Variants in UVSSA observed in about 807,000 individuals in gnomAD.
UVSSA encodes UV stimulated scaffold protein A.
In UVSSA, 72 loss-of-function variants were observed where a neutral mutation model predicts 73.9. The ratio of observed to expected loss-of-function variants is 0.97; its 90% CI spans 0.81 to 1.19. The LOEUF (loss-of-function observed/expected upper bound fraction) is 1.19. UVSSA is among the 50% of genes most tolerant of loss of function. UVSSA has a pLI of 0.00. For missense variants in UVSSA, 1,150 were observed against 965.0 expected, an observed-to-expected ratio of 1.19 and a Z score of -2.54; for synonymous variants, 454 against 391.3, an observed-to-expected ratio of 1.16 and a Z score of -1.89.
chr4:1,348,895 C>T (rs1429024648), intron 2 of UVSSA, among the ~76,000 whole-genome samples: 3 of 152,222 alleles, frequency 2.0e-5, no homozygotes, highest in Non-Finnish European at 2.9e-5. Context: ...GTCCCGAGCT[C>T]TAGGCCTTCC....
rs1553877116 is a variant in UVSSA, at chr4:1,354,903, T to TTGGG, written c.1047+56_1047+57insTGGG. 6.1e-6 allele frequency: 9 copies of TTGGG among 1,465,776 alleles called. No homozygotes were observed. The African/African-American group carries it at 1.0e-4, about 17-fold the overall frequency. 90.8% of individuals were successfully genotyped at this position (1,465,776 alleles called of 1,614,324 possible). ...AGGGACGTGTGCAGAGTGCCATGCATGGGGGGGGTCCCTTTCTTGGGGGGA... is the reference window on the plus strand; with the variant it reads ...AGGGACGTGTGCAGAGTGCCATGCATTGGGGGGGGGGGTCCCTTTCTTGGGGGGA... On this transcript the variant is annotated intron_variant, in intron 6 of 13. Coordinates refer to ENST00000389851, the MANE Select transcript of UVSSA (RefSeq NM_020894.4).
intron 12 of UVSSA, among the ~76,000 whole-genome samples, chr4:1,381,579 C>A (rs1457447378): frequency 2.0e-5 from 3 of 152,178 alleles, no homozygotes; most frequent in Non-Finnish European, 4.4e-5. Flanking sequence ...GCCCTGCCTC[C>A]CCTCGGGCCC....
chr4:1,374,922 G>A (rs531593851), intron 8 of UVSSA: 9 of 177,490 alleles, frequency 5.1e-5, no homozygotes, highest in East Asian at 1.7e-4. Flanking sequence ...CTTTCCAAGC[G>A]GCTGCCACCT....
downstream of UVSSA, chr4:1,388,334 A>G (rs1720299616): frequency 6.6e-6 from 1 of 152,238 alleles, no homozygotes; most frequent in Admixed American, 6.5e-5. Flanking sequence ...TTGATCTTGT[A>G]TCCAGCATTC....
chr4:1,353,001 A>C (rs1278299718), intron 4 of UVSSA, 29 bp from the exon 5 acceptor site: 4 of 1,587,152 alleles, frequency 2.5e-6, no homozygotes, highest in Middle Eastern at 1.7e-4. Context: ...CACATAGCGC[A>C]GCAAACAGGT....
At chr4:1,384,595 G>A (rs74636374) in intron 13 of UVSSA, 59 of 152,422 alleles carry the variant, frequency 3.9e-4, no homozygotes, top group African/African-American at 1.3e-3. Context: ...CCTTGTTCTC[G>A]CCTAAGAAAA....
At chr4:1,364,690 G>A (rs2099863411) in intron 7 of UVSSA, among the ~76,000 whole-genome samples, 1 of 152,128 alleles carries the variant, frequency 6.6e-6, no homozygotes, top group Non-Finnish European at 1.5e-5. Flanking sequence ...CAGCTGTGCT[G>A]TGGGAACAGG....
chr4:1,384,819 G>A (rs1719906543), intron 13 of UVSSA: 1 of 152,336 alleles, frequency 6.6e-6, no homozygotes, highest in South Asian at 2.1e-4. Context: ...ACCGGCCTGA[G>A]TGGGCTCGGG....
rs374042356 is a variant in UVSSA at position 1,366,340 on chromosome 4, G to A, written c.1197G>A (p.Ala399=). The change falls in exon 8 of 14, where the codon GCG becomes GCA. Residue 399 remains alanine, a synonymous_variant. Coordinates refer to ENST00000389851, the MANE Select transcript of UVSSA (RefSeq NM_020894.4). The stretch of plus-strand genomic sequence containing the variant: ...CACAGACAGAAGCCCTGGGGGATGC[G>A]GAGGAAGATGAGGACGATGAGGACT... ...ERRRTEALGD[A]EEDEDDEDFV... 181 of 1,612,950 alleles carry A rather than the reference G, an allele frequency of 1.1e-4. No individual in the cohort carries two copies. The highest frequency in any genetic ancestry group is 1.8e-4 in the Admixed American group (11 of 59,898).
In UVSSA at chr4:1,351,769, G is replaced by A. The variant is rs200745723; in HGVS notation, c.484G>A (p.Glu162Lys). Residue 162 changes from glutamate (E) to lysine (K), a missense_variant, in exon 4 of 14, where the codon GAG becomes AAG. Physicochemically the swap from Glu to Lys is moderately conservative, Grantham distance 56. Transcript: ENST00000389851. Reference protein sequence around the residue: ...RSLAERKREEEKQKHLDKIYQ... With the variant: ...RSLAERKREEKKQKHLDKIYQ... ...TCTGGCAGAAAGGAAGAGAGAAGAG[G>A]AGAAGCAGAAGCACTTGGATAAAAT... 2.1e-4 allele frequency: 334 copies of A among 1,613,596 alleles called. 2 individuals are homozygous for A. Among genetic ancestry groups the A allele is most frequent in the Middle Eastern group, 1.3e-3 (8 of 6,082 alleles).
chr4:1,372,479 A>G (rs557954303), intron 8 of UVSSA, among the ~76,000 whole-genome samples: 85 of 152,106 alleles, frequency 5.6e-4, no homozygotes, highest in Non-Finnish European at 1.1e-3. Context: ...TTACACACAT[A>G]TGTGTTTCTC....
rs770249281 is a variant in UVSSA, at chr4:1,353,397, T to C, written c.918T>C (p.Asp306=). The C allele has an allele frequency of 6.4e-7, 1 of 1,570,390 alleles. No homozygotes were observed. The highest frequency in any genetic ancestry group is 2.3e-5 in the East Asian group (1 of 43,298). ...TGGGCTCGCACAAGTACACGCTGGATGTGGAGCTCTGCTCAGGTAACTGCC... is the reference window on the plus strand; with the variant it reads ...TGGGCTCGCACAAGTACACGCTGGACGTGGAGCTCTGCTCAGGTAACTGCC... The part of the protein sequence containing the change: ...HGLGSHKYTL[D]VELCSEGLKV... Residue 306 remains aspartate, a synonymous_variant, in exon 5 of 14, where the codon GAT becomes GAC. Transcript: ENST00000389851.
At chr4:1,361,187 T>C (rs1406942047) in intron 7 of UVSSA, among the ~76,000 whole-genome samples, 1 of 152,216 alleles carries the variant, frequency 6.6e-6, no homozygotes, top group East Asian at 1.9e-4. Context: ...GGCCTCCTCC[T>C]CTCACACCCA....
intron 8 of UVSSA, among the ~76,000 whole-genome samples, chr4:1,368,567 G>A (rs1314080917): frequency 3.3e-5 from 5 of 152,328 alleles, no homozygotes; most frequent in East Asian, 1.9e-4. Context: ...CGACAATAGC[G>A]TCCAGCCAAG....
At chr4:1,385,820 C>G (rs1381666250) in intron 13 of UVSSA, 48 bp from the exon 14 acceptor site, 1 of 1,597,840 alleles carries the variant, frequency 6.3e-7, no homozygotes, top group African/African-American at 1.3e-5. Flanking sequence ...GGAGCCCAGG[C>G]CCCTGGCGGA....
At position 1,385,975 on chromosome 4, in the gene UVSSA, G is replaced by T. The variant is rs369821285; in HGVS notation, c.*14G>T. 1 of 1,613,624 alleles carries T rather than the reference G, an allele frequency of 6.2e-7. No individual in the cohort carries two copies. Among genetic ancestry groups the T allele is most frequent in the Admixed American group, 1.7e-5 (1 of 60,012 alleles). On this transcript the variant is annotated 3_prime_UTR_variant, in exon 14 of 14. Transcript: ENST00000389851. The stretch of plus-strand genomic sequence containing the variant: ...GCACTGAACTAGAGAGCGGGGCCCA[G>T]TGCACTGGCCATCAGCACTTTCTCC...
intron 11 of UVSSA, chr4:1,380,583 G>T: frequency 7.2e-7 from 1 of 1,393,438 alleles, no homozygotes; most frequent in Non-Finnish European, 9.6e-7. Context: ...CTCCCAGCCG[G>T]GCAGCTGGGC....
chr4:1,360,013 G>T (rs1028689075), intron 7 of UVSSA, among the ~76,000 whole-genome samples: 1 of 152,236 alleles, frequency 6.6e-6, no homozygotes, highest in African/African-American at 2.4e-5. Context: ...GGAATGAAAC[G>T]TGGACCCACC....
At chr4:1,360,229 C>T (rs1037772988) in intron 7 of UVSSA, among the ~76,000 whole-genome samples, 3 of 152,192 alleles carry the variant, frequency 2.0e-5, no homozygotes, top group African/African-American at 4.8e-5. Context: ...ACAGGGAACA[C>T]GGGGAGAACA....
Sources: gnomAD v4.1 joint callset for allele counts (sites outside exome capture counted in the v4.1 genomes callset) on GRCh38, gnomAD v4.1.1 for gene constraint, MANE v1.5 for transcripts, NCBI Gene and HGNC (gene_info 2026-07-23, HGNC 2026-07-21) for gene names.